Variants in NAALADL2 observed in about 807,000 individuals in gnomAD.
NAALADL2 encodes inactive N-acetylated-alpha-linked acidic dipeptidase-like protein 2.
Under a neutral mutation model 87.2 loss-of-function variants are expected in NAALADL2, and 76 were observed. The observed-to-expected ratio is 0.87, with a 90% confidence interval of 0.72 to 1.05. The LOEUF (loss-of-function observed/expected upper bound fraction) is 1.05, where lower values mean the gene tolerates loss of function less well. Among genes scored for constraint, NAALADL2 ranks in the 50% least tolerant of loss-of-function variants. The pLI, the probability that NAALADL2 is intolerant of heterozygous loss-of-function variation, is 0.00. For missense variants in NAALADL2, 1,089 were observed against 945.8 expected (o/e 1.15, Z -1.99); for synonymous variants, 354 against 331.0 (o/e 1.07, Z -0.75).
chr3:174,743,727 T>C (rs1733976477), intron 3 of NAALADL2, among the ~76,000 whole-genome samples: 1 of 151,900 alleles, frequency 6.6e-6, no homozygotes. Flanking sequence ...AAGTCAATTA[T>C]GACTGGCCAA....
At chr3:174,930,831 C>T (rs2108415555) in intron 1 of NAALADL2, among the ~76,000 whole-genome samples, 1 of 151,726 alleles carries the variant, frequency 6.6e-6, no homozygotes, top group Non-Finnish European at 1.5e-5. Context: ...ATCGTGTTAG[C>T]CGGGATGGTC....
At chr3:174,638,124 AT>A (rs1267653608) in intron 2 of NAALADL2, among the ~76,000 whole-genome samples, 3 of 152,212 alleles carry the variant, frequency 2.0e-5, no homozygotes, top group Non-Finnish European at 4.4e-5. Context: ...TATAATTTAA[AT>A]AAAAATATTT....
chr3:175,671,773 T>C (rs1734038114), intron 11 of NAALADL2, among the ~76,000 whole-genome samples: 1 of 152,040 alleles, frequency 6.6e-6, no homozygotes, highest in African/African-American at 2.4e-5. Context: ...GTCACCAAAA[T>C]TTTAACTACT....
chr3:174,752,817 A>G (rs1312650292), intron 3 of NAALADL2, among the ~76,000 whole-genome samples: 5 of 152,188 alleles, frequency 3.3e-5, no homozygotes, highest in African/African-American at 1.2e-4. Flanking sequence ...GGAGTCACAT[A>G]TTTCATACAA....
At chr3:174,541,335 A>T (rs1277417942) in intron 1 of NAALADL2, among the ~76,000 whole-genome samples, 1 of 152,178 alleles carries the variant, frequency 6.6e-6, no homozygotes, top group Non-Finnish European at 1.5e-5. Flanking sequence ...TGACGTTTCT[A>T]AAAATTTTTA....
intron 2 of NAALADL2, among the ~76,000 whole-genome samples, chr3:174,642,657 G>C (rs919666501): frequency 6.6e-6 from 1 of 150,898 alleles, no homozygotes; most frequent in Admixed American, 6.6e-5. Context: ...CATTGTCAGA[G>C]ACCTCTTGCA....
chr3:174,949,566 T>C (rs1298322298), intron 1 of NAALADL2, among the ~76,000 whole-genome samples: 1 of 152,190 alleles, frequency 6.6e-6, no homozygotes, highest in African/African-American at 2.4e-5. Context: ...TCACACTACA[T>C]TGACTTTAGT....
intron 3 of NAALADL2, among the ~76,000 whole-genome samples, chr3:174,768,636 C>A (rs1343737389): frequency 6.6e-6 from 1 of 151,946 alleles, no homozygotes; most frequent in African/African-American, 2.4e-5. Flanking sequence ...CAGATTATAC[C>A]TTTTTGTCTA....
At chr3:175,282,174 C>G (rs1039971623) in intron 4 of NAALADL2, among the ~76,000 whole-genome samples, 3 of 151,890 alleles carry the variant, frequency 2.0e-5, no homozygotes, top group Non-Finnish European at 4.4e-5. Flanking sequence ...AAGACTGAAA[C>G]AGTTTTTTCT....
At chr3:174,682,704 T>A (rs1727664252) in intron 2 of NAALADL2, among the ~76,000 whole-genome samples, 1 of 152,220 alleles carries the variant, frequency 6.6e-6, no homozygotes, top group Non-Finnish European at 1.5e-5. Context: ...TGGCCCCTAA[T>A]GCAGATCTGA....
intron 13 of NAALADL2, among the ~76,000 whole-genome samples, chr3:175,769,026 T>C (rs1749125287): frequency 6.6e-6 from 1 of 152,226 alleles, no homozygotes; most frequent in Non-Finnish European, 1.5e-5. Flanking sequence ...CTATCTAGAC[T>C]GTAAGATTAA....
At chr3:174,964,691 TG>T (rs1742611450) in intron 1 of NAALADL2, among the ~76,000 whole-genome samples, 1 of 152,016 alleles carries the variant, frequency 6.6e-6, no homozygotes, top group Non-Finnish European at 1.5e-5. Flanking sequence ...AATTAACTAC[TG>T]GGTTTTACAA....
At chr3:174,884,377 C>A (rs755474611) in intron 1 of NAALADL2, among the ~76,000 whole-genome samples, 1 of 152,128 alleles carries the variant, frequency 6.6e-6, no homozygotes, top group African/African-American at 2.4e-5. Context: ...ATTGTGACTT[C>A]AAAATGCCAT....
At chr3:174,784,075 A>G (rs918650482) in intron 3 of NAALADL2, among the ~76,000 whole-genome samples, 5 of 152,226 alleles carry the variant, frequency 3.3e-5, no homozygotes, top group African/African-American at 1.2e-4. Flanking sequence ...TACTATATAT[A>G]TAAATATTTA....
intron 2 of NAALADL2, among the ~76,000 whole-genome samples, chr3:174,681,388 C>T (rs1188800658): frequency 6.6e-6 from 1 of 152,160 alleles, no homozygotes; most frequent in Non-Finnish European, 1.5e-5. Context: ...TGTACTAACT[C>T]ACCCCCAACC....
rs552966087 is a variant in NAALADL2 at position 175,751,273 on chromosome 3, G to A, written c.1991-3947G>A. Among the ~76,000 whole-genome samples, 10 of 152,016 alleles carry A rather than the reference G, an allele frequency of 6.6e-5. No individual in the cohort carries two copies. The East Asian group carries it at 1.4e-3, about 21-fold the overall frequency. ...AGATAGCAGCCCATGGGGAAAAATG[G>A]CACCCAATTTGCAAGCACAGCAAAA... is the stretch of plus-strand genomic sequence containing the variant. On this transcript the variant is annotated intron_variant, in intron 12 of 13. Coordinates refer to ENST00000454872, the MANE Select transcript of NAALADL2 (RefSeq NM_207015.3).
At position 175,192,422 on chromosome 3, in the gene NAALADL2, G is replaced by A. The variant is rs202074437; in HGVS notation, c.546-41509G>A. ...CATTTCACTCATAAATCCGTTTGTC[G>A]TATTAGTTTCATAGAAGGTCAGTTT... On this transcript the variant is annotated intron_variant, in intron 2 of 13. Coordinates refer to ENST00000454872, the MANE Select transcript of NAALADL2 (RefSeq NM_207015.3). 1.8e-4 allele frequency among the ~76,000 whole-genome samples: 28 copies of A among 152,072 alleles called. No individual in the cohort carries two copies. In the South Asian group the frequency reaches 2.5e-3, roughly 13 times the overall value.
intron 1 of NAALADL2, among the ~76,000 whole-genome samples, chr3:175,081,791 T>G (rs1271003575): frequency 2.0e-5 from 3 of 152,238 alleles, no homozygotes; most frequent in African/African-American, 7.2e-5. Context: ...AGTTAGTTTT[T>G]TCTTAACTGA....
At chr3:174,735,706 T>G (rs1733125741) in intron 2 of NAALADL2, among the ~76,000 whole-genome samples, 1 of 152,094 alleles carries the variant, frequency 6.6e-6, no homozygotes, top group Non-Finnish European at 1.5e-5. Flanking sequence ...ACCACAGGCA[T>G]GCACCATCAT....
Sources: gnomAD v4.1 joint callset for allele counts (sites outside exome capture counted in the v4.1 genomes callset) on GRCh38, gnomAD v4.1.1 for gene constraint, MANE v1.5 for transcripts, NCBI Gene and HGNC (gene_info 2026-07-23, HGNC 2026-07-21) for gene names.